Variants in LMBR1 observed in about 807,000 individuals in gnomAD.
The protein encoded by LMBR1 is limb region 1 protein homolog.
A neutral mutation model predicts 73.9 loss-of-function variants in LMBR1; 52 were observed. The observed-to-expected ratio is 0.70, with a 90% CI of 0.56 to 0.89. LMBR1 has a LOEUF of 0.89. LMBR1 is among the 40% of genes least tolerant of loss of function. The pLI, the probability that LMBR1 is intolerant of heterozygous loss-of-function variation, is 0.00. For missense variants in LMBR1, 539 were observed against 579.8 expected (o/e 0.93, Z 0.72); for synonymous variants, 215 against 209.4 (o/e 1.03, Z -0.23).
chr7:156,731,267 GAAAAGAAT>G (rs779291507), intron 10 of LMBR1, among the ~76,000 whole-genome samples: 21 of 152,060 alleles, frequency 1.4e-4, no homozygotes, highest in South Asian at 4.1e-4. Flanking sequence ...GATAAATACA[GAAAAGAAT>G]ATAAGAATGA....
At chr7:156,845,318 G>A (rs1839413578) in intron 1 of LMBR1, among the ~76,000 whole-genome samples, 1 of 152,088 alleles carries the variant, frequency 6.6e-6, no homozygotes, top group Non-Finnish European at 1.5e-5. Context: ...AATGGAGCAA[G>A]ATTCCGTCTC....
chr7:156,741,631 G>A (rs1213299864), intron 9 of LMBR1, among the ~76,000 whole-genome samples: 1 of 152,036 alleles, frequency 6.6e-6, no homozygotes, highest in African/African-American at 2.4e-5. Flanking sequence ...ATGCACCAAT[G>A]GAGCATCCAG....
intron 15 of LMBR1, among the ~76,000 whole-genome samples, chr7:156,696,809 C>T (rs1161385419): frequency 6.6e-6 from 1 of 152,158 alleles, no homozygotes; most frequent in Non-Finnish European, 1.5e-5. Flanking sequence ...ATCTCATGTC[C>T]TCTCATTTCA....
At chr7:156,840,250 CAATA>C (rs1376642512) in intron 1 of LMBR1, among the ~76,000 whole-genome samples, 2 of 151,932 alleles carry the variant, frequency 1.3e-5, no homozygotes, top group Non-Finnish European at 2.9e-5. Context: ...GAGAAAAAGA[CAATA>C]AATAAATATA....
chr7:156,820,339 G>A (rs1046586594), intron 4 of LMBR1, among the ~76,000 whole-genome samples: 2 of 152,064 alleles, frequency 1.3e-5, no homozygotes, highest in African/African-American at 2.4e-5. Flanking sequence ...ACTGCCCTAC[G>A]TCAAGGGTAT....
chr7:156,775,545 A>G (rs1489789654), intron 5 of LMBR1, among the ~76,000 whole-genome samples: 2 of 152,220 alleles, frequency 1.3e-5, no homozygotes, highest in Non-Finnish European at 2.9e-5. Flanking sequence ...ATCATGGTGA[A>G]TGTTCATAAT....
At chr7:156,882,689 T>C (rs1801276454) in intron 1 of LMBR1, among the ~76,000 whole-genome samples, 1 of 152,142 alleles carries the variant, frequency 6.6e-6, no homozygotes, top group Non-Finnish European at 1.5e-5. Context: ...GCTCTAGAAA[T>C]CTGCTGTGCA....
chr7:156,693,611 A>G (rs192183936), intron 15 of LMBR1, among the ~76,000 whole-genome samples: 1 of 152,310 alleles, frequency 6.6e-6, no homozygotes, highest in East Asian at 1.9e-4. Flanking sequence ...AGAAAACCTG[A>G]GCAAACTAAT....
At chr7:156,775,786 GAAGT>G (rs1485636232) in intron 5 of LMBR1, among the ~76,000 whole-genome samples, 1 of 151,518 alleles carries the variant, frequency 6.6e-6, no homozygotes, top group African/African-American at 2.4e-5. Context: ...TTTTTCTTAA[GAAGT>G]AACTTCCAAG....
rs1053369496 is a variant in LMBR1, at chr7:156,886,068, T to G, written c.66+6860A>C. On this transcript the variant is annotated intron_variant, in intron 1 of 16. Coordinates refer to ENST00000353442, the MANE Select transcript of LMBR1 (RefSeq NM_022458.4). ...AAAAGAAAAAAAAAAAAAAAAAGACTTCCTTCAAGTAGGAAGATCTCTTGA... is the reference window on the plus strand; with the variant it reads ...AAAAGAAAAAAAAAAAAAAAAAGACGTCCTTCAAGTAGGAAGATCTCTTGA... Among the ~76,000 whole-genome samples, 4 of 150,690 alleles carry G rather than the reference T, an allele frequency of 2.7e-5. No homozygotes were observed. In the South Asian group the frequency reaches 8.4e-4, roughly 31 times the overall value.
intron 1 of LMBR1, among the ~76,000 whole-genome samples, chr7:156,892,022 A>C (rs1216544356): frequency 1.3e-5 from 2 of 152,246 alleles, no homozygotes; most frequent in Non-Finnish European, 2.9e-5. Context: ...CATATTTTAC[A>C]ACAGTTATGA....
intron 3 of LMBR1, among the ~76,000 whole-genome samples, chr7:156,827,430 C>T (rs1292243099): frequency 2.0e-5 from 3 of 151,932 alleles, no homozygotes; most frequent in East Asian, 3.9e-4. Flanking sequence ...CATGTTCTCC[C>T]CCCACCAAAT....
At chr7:156,877,839 C>T (rs1302993716) in intron 1 of LMBR1, among the ~76,000 whole-genome samples, 7 of 149,730 alleles carry the variant, frequency 4.7e-5, no homozygotes, top group African/African-American at 7.4e-5. Context: ...GCAGAGATCG[C>T]GCCACTGCAC....
At chr7:156,883,516 G>C (rs1020404043) in intron 1 of LMBR1, among the ~76,000 whole-genome samples, 10 of 152,154 alleles carry the variant, frequency 6.6e-5, no homozygotes, top group African/African-American at 2.2e-4. Context: ...GATATACAGG[G>C]ACAGCAGTGA....
At chr7:156,799,289 G>C (rs940551996) in intron 4 of LMBR1, among the ~76,000 whole-genome samples, 1 of 152,014 alleles carries the variant, frequency 6.6e-6, no homozygotes, top group Non-Finnish European at 1.5e-5. Context: ...ACCGTGTGAC[G>C]GTTTGTGACA....
intron 1 of LMBR1, among the ~76,000 whole-genome samples, chr7:156,875,906 TAAA>T (rs200997034): frequency 0.036 from 5,150 of 141,282 alleles, 289 homozygotes; most frequent in African/African-American, 0.12. Flanking sequence ...AAAATACAAT[TAAA>T]AAAAAAAAAA....
Position 156,730,720 on chromosome 7 carries a change from G to A in LMBR1, c.839-2000C>T, listed in dbSNP as rs541336080. 3.3e-5 allele frequency among the ~76,000 whole-genome samples: 5 copies of A among 152,264 alleles called. No homozygotes were observed. In the South Asian group the frequency reaches 8.3e-4, roughly 25 times the overall value. ...TGGAAGGCCAAGGCAGGCCAATCAC[G>A]AGGTCAAGAGTTTGAGACCAGCCTG... On this transcript the variant is annotated intron_variant, in intron 10 of 16. Coordinates refer to ENST00000353442, the MANE Select transcript of LMBR1 (RefSeq NM_022458.4).
chr7:156,877,598 A>C (rs1397583579), intron 1 of LMBR1, among the ~76,000 whole-genome samples: 1 of 152,202 alleles, frequency 6.6e-6, no homozygotes, highest in Non-Finnish European at 1.5e-5. Flanking sequence ...AACATACGCA[A>C]GTCGGCCGGG....
chr7:156,759,585 C>G (rs374427593), intron 8 of LMBR1, among the ~76,000 whole-genome samples: 12 of 152,216 alleles, frequency 7.9e-5, no homozygotes, highest in African/African-American at 2.9e-4. Flanking sequence ...ATATAATACA[C>G]TCAATTACTC....
Sources: gnomAD v4.1 joint callset for allele counts (sites outside exome capture counted in the v4.1 genomes callset) on GRCh38, gnomAD v4.1.1 for gene constraint, MANE v1.5 for transcripts, NCBI Gene and HGNC (gene_info 2026-07-23, HGNC 2026-07-21) for gene names.